The following CHCT1 variants were observed in gnomAD, a reference collection of about 807,000 sequenced individuals.
CHCT1 encodes the protein CHD1 helical C-terminal domain containing 1.
chr17:60,429,222 A>C, the CHCT1 span: 20 of 884,280 alleles, frequency 2.3e-5, no homozygotes, highest in Non-Finnish European at 3.4e-5. Context: ...CACATCTGTG[A>C]TTCCTACCCC....
chr17:60,427,367 G>A, the CHCT1 span, among the ~76,000 whole-genome samples: 1 of 152,162 alleles, frequency 6.6e-6, no homozygotes, highest in African/African-American at 2.4e-5. Flanking sequence ...AACTGACATA[G>A]CATTGGTAGG....
At chr17:60,426,813 T>TCCTGCTTGCG in the CHCT1 span, 1 of 1,602,278 alleles carries the variant, frequency 6.2e-7, no homozygotes, top group East Asian at 2.3e-5. Context: ...CCGGCCAAGT[T>TCCTGCTTGCG]CCTGGTGAGG....
the CHCT1 span, chr17:60,422,659 A>C: frequency 1.3e-6 from 2 of 1,505,904 alleles, no homozygotes; most frequent in South Asian, 2.4e-5. Context: ...GTGGGGTGTG[A>C]GGGAGGGAGG....
At chr17:60,423,369 T>A in the CHCT1 span, among the ~76,000 whole-genome samples, 2 of 152,054 alleles carry the variant, frequency 1.3e-5, no homozygotes, top group Non-Finnish European at 2.9e-5. Context: ...ATTTTTGTAT[T>A]TTTGGTAGAG....
At chr17:60,425,932 C>A in the CHCT1 span, 1 of 1,476,252 alleles carries the variant, frequency 6.8e-7, no homozygotes, top group South Asian at 1.2e-5. Context: ...CCCCATTGGT[C>A]AGGAGGCCTG....
chr17:60,430,986 C>T, the CHCT1 span, among the ~76,000 whole-genome samples: 1 of 152,156 alleles, frequency 6.6e-6, no homozygotes, highest in Non-Finnish European at 1.5e-5. Flanking sequence ...GGTGACAGTC[C>T]TCATCTGTAA....
At chr17:60,421,423 G>A in the CHCT1 span, 2 of 985,702 alleles carry the variant, frequency 2.0e-6, no homozygotes, top group Non-Finnish European at 2.4e-6. Flanking sequence ...CTGGGTGGCA[G>A]GGGAGGCCCG....
At chr17:60,426,615 A>G in the CHCT1 span, 2 of 1,350,608 alleles carry the variant, frequency 1.5e-6, no homozygotes, top group East Asian at 2.8e-5. Flanking sequence ...CCAAAGGGGC[A>G]TGTGGCCCAT....
the CHCT1 span, chr17:60,426,263 G>T: frequency 1.6e-5 from 25 of 1,552,028 alleles, no homozygotes; most frequent in Non-Finnish European, 2.1e-5. Context: ...GCAGAGCCTT[G>T]TGGTCCTAGG....
At chr17:60,421,748 C>A in the CHCT1 span, 9 of 830,354 alleles carry the variant, frequency 1.1e-5, no homozygotes, top group Admixed American at 1.2e-4. Flanking sequence ...CTCTGCCCAC[C>A]GCGTTTCCGC....
At chr17:60,422,669 G>T in the CHCT1 span, 3 of 1,534,320 alleles carry the variant, frequency 2.0e-6, no homozygotes, top group Non-Finnish European at 2.6e-6. Context: ...AGGGAGGGAG[G>T]GAAGGAGGGT....
At chr17:60,429,419 A>G in the CHCT1 span, 27 of 1,614,254 alleles carry the variant, frequency 1.7e-5, no homozygotes, top group Non-Finnish European at 2.3e-5. Flanking sequence ...CCGGGAAGAC[A>G]GTCTGCCCAA....
chr17:60,422,562 C>A, the CHCT1 span: 1 of 1,549,676 alleles, frequency 6.5e-7, no homozygotes, highest in South Asian at 1.2e-5. Context: ...TGGGGAGTGC[C>A]ACCCTGGAGC....
the CHCT1 span, chr17:60,429,385 G>A: frequency 1.0e-4 from 161 of 1,613,664 alleles, no homozygotes; most frequent in Middle Eastern, 1.6e-4. Flanking sequence ...CCTCGGATGC[G>A]CCGGAGAGGT....
the CHCT1 span, among the ~76,000 whole-genome samples, chr17:60,427,419 G>A: frequency 6.6e-6 from 1 of 151,536 alleles, no homozygotes; most frequent in African/African-American, 2.4e-5. Flanking sequence ...CCCTGTTTCA[G>A]CTAGTCTTTT....
the CHCT1 span, chr17:60,421,624 C>T: frequency 1.0e-6 from 1 of 974,424 alleles, no homozygotes; most frequent in Non-Finnish European, 1.2e-6. Context: ...GCCGGGACCC[C>T]GCCGTGTGCC....
chr17:60,426,102 C>T, the CHCT1 span: 1 of 1,508,412 alleles, frequency 6.6e-7, no homozygotes, highest in Admixed American at 2.0e-5. Flanking sequence ...ATACCTGGGA[C>T]TGCCCATCTG....
At chr17:60,425,126 A>T in the CHCT1 span, among the ~76,000 whole-genome samples, 3 of 151,578 alleles carry the variant, frequency 2.0e-5, no homozygotes, top group Non-Finnish European at 4.4e-5. Context: ...AATCCCTCCC[A>T]CTCCATGATC....
the CHCT1 span, among the ~76,000 whole-genome samples, chr17:60,430,546 TCTC>T: frequency 1.3e-5 from 2 of 152,258 alleles, no homozygotes; most frequent in Non-Finnish European, 2.9e-5. Context: ...AGTTGTGCGA[TCTC>T]AGCTCACTGC....
Sources: gnomAD v4.1 joint callset for allele counts (sites outside exome capture counted in the v4.1 genomes callset) on GRCh38, gnomAD v4.1.1 for gene constraint, MANE v1.5 for transcripts, NCBI Gene and HGNC (gene_info 2026-07-23, HGNC 2026-07-21) for gene names.